Variants in BRAF observed in about 807,000 individuals in gnomAD.
BRAF encodes the protein B-Raf proto-oncogene, serine/threonine kinase.
BRAF carries 16 observed loss-of-function variants against 104.6 expected under a neutral mutation model. The observed-to-expected ratio is 0.15, with a 90% CI of 0.10 to 0.23. BRAF has a LOEUF of 0.23. Ranked by LOEUF, BRAF falls within the 10% of genes least tolerant of loss-of-function variation. BRAF has a pLI of 1.00. For missense variants in BRAF, 541 were observed against 937.3 expected (o/e 0.58, Z 5.52); for synonymous variants, 310 against 341.6 (o/e 0.91, Z 1.02).
Position 140,924,726 on chromosome 7 carries a change from C to CG in BRAF, c.-24dup, listed in dbSNP as rs1395865715. 1 of 830,258 alleles carries CG rather than the reference C, an allele frequency of 1.2e-6. No individual in the cohort carries two copies. The highest frequency in any genetic ancestry group is 1.8e-5 in the African/African-American group (1 of 55,514). 51.4% of individuals were successfully genotyped at this position (830,258 alleles called of 1,614,324 possible). ...CATCTTATAACCGAGAGCCGGGGCCCGAGCGGCCGCTGTCGGGCGGGGAGG... is the reference window on the plus strand; with the variant it reads ...CATCTTATAACCGAGAGCCGGGGCCCGGAGCGGCCGCTGTCGGGCGGGGAGG... On this transcript the variant is annotated 5_prime_UTR_variant, in exon 1 of 20. Transcript: ENST00000644969. This position sits in a 1 kb window ranked among gnomAD's most constrained non-coding sequence, Gnocchi z 4.2.
chr7:140,865,360 A>C (rs1045443169), intron 1 of BRAF, among the ~76,000 whole-genome samples: 6 of 152,178 alleles, frequency 3.9e-5, no homozygotes, highest in African/African-American at 1.2e-4. Flanking sequence ...GATTACACAC[A>C]TGAGCCACTG....
At chr7:140,906,754 T>C (rs1816370565) in intron 1 of BRAF, among the ~76,000 whole-genome samples, 2 of 152,346 alleles carry the variant, frequency 1.3e-5, no homozygotes, top group South Asian at 2.1e-4. Flanking sequence ...ATTTTGAGAA[T>C]ATATGTAATT....
intron 1 of BRAF, among the ~76,000 whole-genome samples, chr7:140,868,950 A>G (rs967996779): frequency 6.6e-6 from 1 of 152,178 alleles, no homozygotes; most frequent in African/African-American, 2.4e-5. Flanking sequence ...GGTACAGTCA[A>G]TAGGATTTGC....
At chr7:140,892,502 T>A (rs1396066908) in intron 1 of BRAF, among the ~76,000 whole-genome samples, 1 of 152,232 alleles carries the variant, frequency 6.6e-6, no homozygotes, top group Non-Finnish European at 1.5e-5. Context: ...CTCAACAGGT[T>A]AGACAAGGAG....
At chr7:140,823,036 C>G (rs1397608391) in intron 3 of BRAF, among the ~76,000 whole-genome samples, 1 of 152,124 alleles carries the variant, frequency 6.6e-6, no homozygotes, top group Admixed American at 6.5e-5. Context: ...GTTGCCCTGG[C>G]TGGTATGGAA....
At chr7:140,814,963 T>C (rs912566466) in intron 3 of BRAF, among the ~76,000 whole-genome samples, 1 of 151,490 alleles carries the variant, frequency 6.6e-6, no homozygotes, top group Non-Finnish European at 1.5e-5. Flanking sequence ...TGTTTTACAG[T>C]GCAGACGATT....
chr7:140,814,683 A>T (rs1311640636), intron 3 of BRAF, among the ~76,000 whole-genome samples: 6 of 146,972 alleles, frequency 4.1e-5, no homozygotes, highest in Admixed American at 1.4e-4. Context: ...TATATATATA[A>T]AATTCATATA....
intron 8 of BRAF, among the ~76,000 whole-genome samples, chr7:140,792,031 A>G (rs1228504774): frequency 1.3e-5 from 2 of 152,248 alleles, no homozygotes; most frequent in Non-Finnish European, 1.5e-5. Flanking sequence ...GGATGAAATA[A>G]GAAAGTCTAC....
At chr7:140,783,342 A>T in intron 10 of BRAF, 185 bp from the exon 10 acceptor site, 2 of 664,920 alleles carry the variant, frequency 3.0e-6, no homozygotes, top group Non-Finnish European at 4.9e-6. Context: ...AATTTCTTTT[A>T]GTTTTCTGGC....
Position 140,721,076 on chromosome 7 carries a change from A to T in BRAF, c.*5418T>A, listed in dbSNP as rs1795300946. 1.9e-6 allele frequency: 2 copies of T among 1,048,444 alleles called. No individual in the cohort carries two copies. Among genetic ancestry groups the T allele is most frequent in the Non-Finnish European group, 2.3e-6 (2 of 866,926 alleles). 64.9% of individuals were successfully genotyped at this position (1,048,444 alleles called of 1,614,324 possible). On this transcript the variant is annotated 3_prime_UTR_variant, in exon 20 of 20. Transcript: ENST00000644969. ...AGCACTTCTATCTACAGAATTCTTT[A>T]AAAAAAAATGCACCTCTAAAAAATG...
chr7:140,787,294 C>T (rs1351455965), intron 9 of BRAF, among the ~76,000 whole-genome samples: 1 of 130,834 alleles, frequency 7.6e-6, no homozygotes, highest in African/African-American at 3.3e-5. Context: ...GAGCGAGACT[C>T]CGTCTCAAAA....
At position 140,765,818 on chromosome 7, in the gene BRAF, A is replaced by G. The variant is rs368768936; in HGVS notation, c.1814+11094T>C. Among the ~76,000 whole-genome samples the G allele has an allele frequency of 3.5e-3, 524 of 151,654 alleles. 3 individuals carry two copies. The highest frequency in any genetic ancestry group is 0.032 in the East Asian group (160 of 5,062). On this transcript the variant is annotated intron_variant, in intron 14 of 19. Coordinates refer to ENST00000644969, the MANE Select transcript of BRAF (RefSeq NM_001374258.1). ...GGAAACAACAGGTGCTGGAGAGGAT[A>G]TGGAGAAATAGGAACACTTTTACAC...
Position 140,722,556 on chromosome 7 carries a change from G to T in BRAF, c.*3938C>A. ...AGTAAACCTTCCATCTCTGGCTATG[G>T]TGTTTATAGCCTAATGGTTGGAATC... On this transcript the variant is annotated 3_prime_UTR_variant, in exon 20 of 20. Transcript: ENST00000644969. 3.8e-6 allele frequency: 4 copies of T among 1,056,592 alleles called. No homozygotes were observed. The highest frequency in any genetic ancestry group is 4.6e-6 in the Non-Finnish European group (4 of 873,902). The allele number at this position is 1,056,592 out of a possible 1,614,324, so 65.5% of individuals were successfully genotyped here. A position where few individuals can be genotyped will look rare whatever the true frequency, so the allele number is the denominator to read the frequency against.
chr7:140,856,133 T>C (rs1809752247), intron 1 of BRAF, among the ~76,000 whole-genome samples: 1 of 149,320 alleles, frequency 6.7e-6, no homozygotes, highest in Non-Finnish European at 1.5e-5. Context: ...ATATATATAT[T>C]AAAAGCAAGA....
rs200808054 is a variant in BRAF at position 140,905,860 on chromosome 7, G to A, written c.138+18706C>T. Among the ~76,000 whole-genome samples, 25 of 151,630 alleles carry A rather than the reference G, an allele frequency of 1.6e-4. No individual in the cohort carries two copies. The South Asian group carries it at 1.7e-3, about 10-fold the overall frequency. ...TCCCAGCACTTTGGGAGGCCGAGGCGGGCGGATCACGAGGTCAGGAGATCG... is the reference window on the plus strand; with the variant it reads ...TCCCAGCACTTTGGGAGGCCGAGGCAGGCGGATCACGAGGTCAGGAGATCG... On this transcript the variant is annotated intron_variant, in intron 1 of 19. Coordinates refer to ENST00000644969, the MANE Select transcript of BRAF (RefSeq NM_001374258.1).
intron 3 of BRAF, among the ~76,000 whole-genome samples, chr7:140,831,198 T>C (rs760003410): frequency 2.0e-5 from 3 of 152,208 alleles, no homozygotes; most frequent in Non-Finnish European, 4.4e-5. Flanking sequence ...AACTGGAGAT[T>C]GCTTGGTGGG....
At chr7:140,903,845 T>C (rs1276557003) in intron 1 of BRAF, among the ~76,000 whole-genome samples, 1 of 152,172 alleles carries the variant, frequency 6.6e-6, no homozygotes, top group Non-Finnish European at 1.5e-5. Flanking sequence ...GAAGGAACTG[T>C]AGGTGTAGTA....
At chr7:140,817,529 C>A (rs1409638019) in intron 3 of BRAF, among the ~76,000 whole-genome samples, 1 of 152,060 alleles carries the variant, frequency 6.6e-6, no homozygotes, top group Non-Finnish European at 1.5e-5. Flanking sequence ...AATCACATTA[C>A]CTCACTTCAA....
intron 14 of BRAF, among the ~76,000 whole-genome samples, chr7:140,774,120 A>AAACT (rs1411655718): frequency 2.6e-5 from 4 of 152,222 alleles, no homozygotes; most frequent in African/African-American, 4.8e-5. Flanking sequence ...AAGAGAAAAG[A>AAACT]AACTATATCC....
Sources: allele counts gnomAD v4.1 joint callset (sites outside exome capture counted in the v4.1 genomes callset), GRCh38; gene constraint gnomAD v4.1.1; non-coding constraint Gnocchi (gnomAD v3.1); transcripts MANE v1.5; gene names NCBI Gene and HGNC (gene_info 2026-07-23, HGNC 2026-07-21).